Variants in OGDH observed in about 807,000 individuals in gnomAD.
OGDH encodes 2-oxoglutarate dehydrogenase complex component E1.
In OGDH, 38 loss-of-function variants were observed where a neutral mutation model predicts 116.6. The observed-to-expected ratio is 0.33, with a 90% CI of 0.25 to 0.43. The LOEUF (loss-of-function observed/expected upper bound fraction) is 0.43, where lower values mean the gene tolerates loss of function less well. OGDH is among the 20% of genes least tolerant of loss of function. OGDH has a pLI of 1.00. For missense variants in OGDH, 825 were observed against 1,357.2 expected, an observed-to-expected ratio of 0.61 and a Z score of 6.16; for synonymous variants, 488 against 533.3, an observed-to-expected ratio of 0.92 and a Z score of 1.17.
At chr7:44,672,632 T>C (rs1332721019) in intron 5 of OGDH, among the ~76,000 whole-genome samples, 1 of 148,532 alleles carries the variant, frequency 6.7e-6, no homozygotes, top group Non-Finnish European at 1.5e-5. Flanking sequence ...GAGGGATTTC[T>C]TTTTGTTTTT....
chr7:44,650,778 A>G (rs1322110139), intron 4 of OGDH, among the ~76,000 whole-genome samples: 4 of 152,188 alleles, frequency 2.6e-5, no homozygotes, highest in African/African-American at 9.7e-5. Context: ...CTTAGGAATG[A>G]GGCAGTAGAA....
At chr7:44,637,422 T>C (rs1327407580) in intron 2 of OGDH, among the ~76,000 whole-genome samples, 1 of 152,268 alleles carries the variant, frequency 6.6e-6, no homozygotes, top group Non-Finnish European at 1.5e-5. Flanking sequence ...AAGCTCATTT[T>C]AGTCATCTTC....
At chr7:44,674,693 G>T (rs2116157035) in intron 7 of OGDH, 136 bp downstream of exon 7, 2 of 926,180 alleles carry the variant, frequency 2.2e-6, no homozygotes, top group Middle Eastern at 6.9e-4. Context: ...TCTGGTACCT[G>T]AGGGTGTATT....
chr7:44,698,858 G>A (rs917857693), intron 18 of OGDH, among the ~76,000 whole-genome samples: 6 of 144,078 alleles, frequency 4.2e-5, no homozygotes, highest in Admixed American at 2.7e-4. Flanking sequence ...AAAAAAAAAA[G>A]AACTGTGCTG....
At chr7:44,680,040 G>T (rs1362103782) in intron 9 of OGDH, among the ~76,000 whole-genome samples, 1 of 152,134 alleles carries the variant, frequency 6.6e-6, no homozygotes, top group Non-Finnish European at 1.5e-5. Flanking sequence ...GTGAAACCTC[G>T]TGTCTACAAA....
At chr7:44,684,231 C>T (rs1788041533) in intron 10 of OGDH, among the ~76,000 whole-genome samples, 1 of 151,984 alleles carries the variant, frequency 6.6e-6, no homozygotes, top group Non-Finnish European at 1.5e-5. Flanking sequence ...CTCCCAATGG[C>T]ATTGGGAGGC....
chr7:44,661,200 A>C (rs1314560950), intron 4 of OGDH, among the ~76,000 whole-genome samples: 1 of 152,148 alleles, frequency 6.6e-6, no homozygotes, highest in African/African-American at 2.4e-5. Context: ...CCATGATGGA[A>C]TGTCCCTCTT....
chr7:44,706,309 A>AT (rs200980019), intron 20 of OGDH, among the ~76,000 whole-genome samples: 5 of 146,506 alleles, frequency 3.4e-5, no homozygotes, highest in African/African-American at 8.0e-5. Flanking sequence ...TAAACATGGG[A>AT]TTTTTTTTAT....
chr7:44,663,528 G>A (rs576194262), intron 4 of OGDH, among the ~76,000 whole-genome samples: 1 of 152,320 alleles, frequency 6.6e-6, no homozygotes, highest in African/African-American at 2.4e-5. Flanking sequence ...CAGCACTTTG[G>A]GAGACTGAGG....
At chr7:44,650,829 G>GTA (rs1332600046) in intron 4 of OGDH, among the ~76,000 whole-genome samples, 1 of 152,186 alleles carries the variant, frequency 6.6e-6, no homozygotes, top group East Asian at 1.9e-4. Context: ...TGACCAGTGT[G>GTA]TAGACGGGTC....
chr7:44,690,789 G>A (rs921179819), intron 10 of OGDH, among the ~76,000 whole-genome samples: 6 of 152,188 alleles, frequency 3.9e-5, no homozygotes, highest in African/African-American at 1.2e-4. Context: ...TTTCTGTGAG[G>A]TTCTAGCAGT....
intron 1 of OGDH, among the ~76,000 whole-genome samples, chr7:44,620,291 G>A (rs1784963149): frequency 6.6e-6 from 1 of 152,256 alleles, no homozygotes; most frequent in Non-Finnish European, 1.5e-5. Context: ...AAAGCACTGA[G>A]ATTACAGGCG....
intron 2 of OGDH, among the ~76,000 whole-genome samples, chr7:44,627,634 C>T (rs1037850893): frequency 1.3e-5 from 2 of 152,134 alleles, no homozygotes; most frequent in African/African-American, 2.4e-5. Context: ...TCTTCCTCTC[C>T]TGCCCTTTGG....
At chr7:44,626,742 G>GTCT (rs1166428754) in intron 2 of OGDH, among the ~76,000 whole-genome samples, 1 of 152,152 alleles carries the variant, frequency 6.6e-6, no homozygotes, top group Non-Finnish European at 1.5e-5. Flanking sequence ...GTGGCTTTAT[G>GTCT]TCTTTATGCC....
At chr7:44,689,323 C>A (rs1788271917) in intron 10 of OGDH, among the ~76,000 whole-genome samples, 3 of 135,026 alleles carry the variant, frequency 2.2e-5, no homozygotes, top group Admixed American at 8.4e-5. Flanking sequence ...TCTAGCGATT[C>A]TTCTGCCTCA....
At chr7:44,631,728 G>A (rs1199748303) in intron 2 of OGDH, among the ~76,000 whole-genome samples, 1 of 152,168 alleles carries the variant, frequency 6.6e-6, no homozygotes, top group African/African-American at 2.4e-5. Flanking sequence ...GGCTGCAAGA[G>A]GAAAAGCAGT....
intron 9 of OGDH, 142 bp downstream of exon 9, chr7:44,676,291 C>T (rs1787690426): frequency 6.6e-7 from 1 of 1,526,062 alleles, no homozygotes; most frequent in Non-Finnish European, 8.8e-7. Flanking sequence ...CGCAGTGTCT[C>T]ACGCCTGTAA....
Position 44,694,659 on chromosome 7 carries a change from CTT to C in OGDH, c.1668+86_1668+87del, listed in dbSNP as rs1400334657. On this transcript the variant is annotated intron_variant, in intron 12 of 22. Coordinates refer to ENST00000222673, the MANE Select transcript of OGDH (RefSeq NM_002541.4). This position sits in a 1 kb window ranked among gnomAD's most constrained non-coding sequence, Gnocchi z 4.2. ...AGGTGGGCCACAGGGCCAGTTCTCA[CTT>C]TTGCCAGTTATGAGGATACACGTGA... The C allele has an allele frequency of 5.9e-6, 9 of 1,518,170 alleles. No individual in the cohort carries two copies. In the African/African-American group the frequency reaches 1.1e-4, roughly 18 times the overall value. The allele number at this position is 1,518,170 out of a possible 1,614,324, so 94.0% of individuals were successfully genotyped here.
chr7:44,676,067 C>T lies in OGDH; in HGVS notation c.1124C>T (p.Ser375Phe). 6.2e-7 allele frequency: 1 copy of T among 1,614,062 alleles called. No individual in the cohort carries two copies. Among genetic ancestry groups the T allele is most frequent in the Non-Finnish European group, 8.5e-7 (1 of 1,180,008 alleles). The change falls in exon 9 of 23, where the codon TCC (serine) becomes TTC (phenylalanine). Residue 375 changes from serine (S) to phenylalanine (F), a missense_variant. Physicochemically the swap from Ser to Phe is radical, Grantham distance 155. This residue lies in a region of OGDH where 146 missense variants were observed against 317.3 expected (regional missense o/e 0.46). Coordinates refer to ENST00000222673, the MANE Select transcript of OGDH (RefSeq NM_002541.4). ...NITLSLVANP[S>F]HLEAADPVVM... ...ACCTTGTCCTTGGTGGCCAACCCTT[C>T]CCACCTTGAGGCCGCTGACCCCGTG...
Sources: allele counts gnomAD v4.1 joint callset (sites outside exome capture counted in the v4.1 genomes callset), GRCh38; gene constraint gnomAD v4.1.1; regional missense constraint gnomAD v4.1.1; non-coding constraint Gnocchi (gnomAD v3.1); transcripts MANE v1.5; gene names NCBI Gene and HGNC (gene_info 2026-07-23, HGNC 2026-07-21).